The following FBXO25 variants were observed in gnomAD, a reference collection of about 807,000 sequenced individuals.
FBXO25 encodes the protein F-box only protein 25.
A neutral mutation model predicts 51.9 loss-of-function variants in FBXO25; 45 were observed. That is an observed-to-expected ratio of 0.87 (90% confidence interval 0.68 to 1.11). The LOEUF is 1.11. FBXO25 is among the 50% of genes most tolerant of loss of function. The pLI, the probability that FBXO25 is intolerant of heterozygous loss-of-function variation, is 0.00. For missense variants in FBXO25, 507 were observed against 428.5 expected (o/e 1.18, Z -1.62); for synonymous variants, 199 against 151.0 (o/e 1.32, Z -2.33).
chr8:467,959 C>G, intron 9 of FBXO25: 1 of 1,403,270 alleles, frequency 7.1e-7, no homozygotes, highest in Non-Finnish European at 9.3e-7. Context: ...AGAACAACAC[C>G]TGAGTGCTGA....
intron 2 of FBXO25, among the ~76,000 whole-genome samples, chr8:419,767 C>T (rs1404724967): frequency 6.6e-6 from 1 of 151,914 alleles, no homozygotes; most frequent in Non-Finnish European, 1.5e-5. Flanking sequence ...AGATACGATA[C>T]CAAAAGCACA....
chr8:419,961 A>T (rs1312380651), intron 2 of FBXO25, among the ~76,000 whole-genome samples: 1 of 152,202 alleles, frequency 6.6e-6, no homozygotes, highest in Non-Finnish European at 1.5e-5. Flanking sequence ...AGTTTCGGTG[A>T]ACCTGTACTT....
chr8:445,472 G>A (rs1163119665), intron 5 of FBXO25, among the ~76,000 whole-genome samples: 1 of 152,176 alleles, frequency 6.6e-6, no homozygotes, highest in Non-Finnish European at 1.5e-5. Flanking sequence ...GGACCCCAAA[G>A]AGATTTTGGT....
At chr8:428,624 A>G (rs553141513) in intron 2 of FBXO25, among the ~76,000 whole-genome samples, 108 of 152,268 alleles carry the variant, frequency 7.1e-4, no homozygotes, top group African/African-American at 2.2e-3. Flanking sequence ...TTGTGCAACC[A>G]TTACCACCAT....
chr8:450,105 T>C (rs1198424212), intron 6 of FBXO25, 22 bp downstream of exon 6: 1 of 1,533,404 alleles, frequency 6.5e-7, no homozygotes, highest in Non-Finnish European at 9.0e-7. Flanking sequence ...ACTGTATTTT[T>C]AATACTCTAA....
Position 472,644 on chromosome 8 carries a change from ATGTT to A in FBXO25, c.*3843_*3846del, listed in dbSNP as rs1800519573. On this transcript the variant is annotated 3_prime_UTR_variant, in exon 10 of 10. Transcript: ENST00000350302. Reference sequence around the variant, plus strand: ...TGGTTTCTTGTTAATTCTTCTTTAAATGTTTGAGAGAACTCCATATAAGATTTGA... The same window carrying A: ...TGGTTTCTTGTTAATTCTTCTTTAAATGAGAGAACTCCATATAAGATTTGA... 1 of 152,198 alleles carries A rather than the reference ATGTT, an allele frequency of 6.6e-6. No individual in the cohort carries two copies. Among genetic ancestry groups the A allele is most frequent in the Admixed American group, 6.5e-5 (1 of 15,276 alleles). The allele number at this position is 152,198 out of a possible 1,614,324, so 9.4% of individuals were successfully genotyped here.
chr8:427,272 CG>C (rs779266399), intron 2 of FBXO25, among the ~76,000 whole-genome samples: 2,173 of 149,512 alleles, frequency 0.015, 4 homozygotes, highest in Non-Finnish European at 0.017. Context: ...CCAAATTGAT[CG>C]AAAGGAAATG....
At chr8:418,543 T>C (rs1391974289) in intron 2 of FBXO25, among the ~76,000 whole-genome samples, 8 of 152,056 alleles carry the variant, frequency 5.3e-5, no homozygotes, top group Non-Finnish European at 1.0e-4. Context: ...TTTCACCATA[T>C]TGACCAGAAT....
chr8:444,408 G>C (rs1012250512), intron 5 of FBXO25, among the ~76,000 whole-genome samples: 1 of 152,152 alleles, frequency 6.6e-6, no homozygotes, highest in Non-Finnish European at 1.5e-5. Context: ...ATTTCAAATA[G>C]CTGTGATTTT....
At position 475,541 on chromosome 8, in the gene FBXO25, A is replaced by G. The variant is rs11776266; in HGVS notation, c.*6737A>G. On this transcript the variant is annotated 3_prime_UTR_variant, in exon 10 of 10. Coordinates refer to ENST00000350302, the MANE Select transcript of FBXO25 (RefSeq NM_183420.2). Reference sequence around the variant, plus strand: ...GACTATGGACATCTTAAGGTATCCAATCCATAAACACGGGATTGCTTTCTA... The same window carrying G: ...GACTATGGACATCTTAAGGTATCCAGTCCATAAACACGGGATTGCTTTCTA... 0.17 allele frequency: 26,209 copies of G among 152,184 alleles called. 2,478 individuals carry two copies. Among genetic ancestry groups the G allele is most frequent in the Middle Eastern group, 0.21 (63 of 294 alleles). 9.4% of individuals were successfully genotyped at this position (152,184 alleles called of 1,614,324 possible).
Position 477,530 on chromosome 8 carries a change from T to C in FBXO25, c.*8726T>C, listed in dbSNP as rs1743093688. 1 of 152,274 alleles carries C rather than the reference T, an allele frequency of 6.6e-6. No individual in the cohort carries two copies. The highest frequency in any genetic ancestry group is 6.5e-5 in the Admixed American group (1 of 15,290). 9.4% of individuals were successfully genotyped at this position (152,274 alleles called of 1,614,324 possible). A position where few individuals can be genotyped will look rare whatever the true frequency, so the allele number is the denominator to read the frequency against. On this transcript the variant is annotated 3_prime_UTR_variant, in exon 10 of 10. Transcript: ENST00000350302. ...AATTATAGGATGTCTGGGATTTCCT[T>C]TGAATCCGTGGGGCTGGGAGTAACT...
In FBXO25 at chr8:475,877, TTTTA is replaced by T. The variant is rs1401027371; in HGVS notation, c.*7077_*7080del. 3 of 152,166 alleles carry T rather than the reference TTTTA, an allele frequency of 2.0e-5. No homozygotes were observed. Among genetic ancestry groups the T allele is most frequent in the Non-Finnish European group, 4.4e-5 (3 of 68,000 alleles). The allele number at this position is 152,166 out of a possible 1,614,324, so 9.4% of individuals were successfully genotyped here. On this transcript the variant is annotated 3_prime_UTR_variant, in exon 10 of 10. Transcript: ENST00000350302. ...CTTCTTCCTTTCCAGTCTGGATGCC[TTTTA>T]TTTCTTTTTCTTGCCTAACTGCTCT...
At chr8:456,907 C>G (rs936548514) in intron 7 of FBXO25, among the ~76,000 whole-genome samples, 1 of 152,126 alleles carries the variant, frequency 6.6e-6, no homozygotes, top group Non-Finnish European at 1.5e-5. Flanking sequence ...TGTCAAGGCA[C>G]GGGTGCCCCA....
intron 5 of FBXO25, among the ~76,000 whole-genome samples, chr8:447,096 G>A (rs1028232404): frequency 1.3e-5 from 2 of 152,172 alleles, no homozygotes; most frequent in African/African-American, 2.4e-5. Context: ...TCTAGAAGTC[G>A]AGCCCCACAT....
chr8:427,622 C>G (rs1453319057), intron 2 of FBXO25, among the ~76,000 whole-genome samples: 2 of 147,200 alleles, frequency 1.4e-5, no homozygotes, highest in Non-Finnish European at 3.0e-5. Context: ...AAATCAAGGG[C>G]TTGGCAGGGT....
chr8:458,989 C>T (rs1009796622), intron 8 of FBXO25, among the ~76,000 whole-genome samples: 2 of 152,148 alleles, frequency 1.3e-5, no homozygotes, highest in African/African-American at 4.8e-5. Flanking sequence ...AGCCCCTCCC[C>T]CCTGCCTTGT....
At chr8:452,430 T>C (rs960145560) in intron 7 of FBXO25, among the ~76,000 whole-genome samples, 3 of 152,126 alleles carry the variant, frequency 2.0e-5, no homozygotes, top group Non-Finnish European at 2.9e-5. Context: ...CATGCATAGG[T>C]GGGTTGTGCT....
chr8:450,296 G>A (rs914498664), intron 6 of FBXO25, among the ~76,000 whole-genome samples: 1 of 152,040 alleles, frequency 6.6e-6, no homozygotes. Context: ...GCATACAAAT[G>A]GATATATTAG....
At position 472,289 on chromosome 8, in the gene FBXO25, C is replaced by G. The variant is rs977129020; in HGVS notation, c.*3485C>G. On this transcript the variant is annotated 3_prime_UTR_variant, in exon 10 of 10. Transcript: ENST00000350302. ...GAAAGGGTGTGGATTTTGTCAAATG[C>G]TTTTTCTGCATCTCTTAAGATAATG... is the stretch of plus-strand genomic sequence containing the variant. 4 of 152,150 alleles carry G rather than the reference C, an allele frequency of 2.6e-5. No homozygotes were observed. Among genetic ancestry groups the G allele is most frequent in the African/African-American group, 9.7e-5 (4 of 41,420 alleles). 9.4% of individuals were successfully genotyped at this position (152,150 alleles called of 1,614,324 possible).
Sources: gnomAD v4.1 joint callset for allele counts (sites outside exome capture counted in the v4.1 genomes callset) on GRCh38, gnomAD v4.1.1 for gene constraint, MANE v1.5 for transcripts, NCBI Gene and HGNC (gene_info 2026-07-23, HGNC 2026-07-21) for gene names.